Variants in HS6ST2 observed in about 807,000 individuals in gnomAD.
The protein encoded by HS6ST2 is heparan sulfate 6-O-sulfotransferase 2, also known as heparan-sulfate 6-O-sulfotransferase 2.
HS6ST2 carries 17 observed loss-of-function variants against 33.0 expected under a neutral mutation model. The observed-to-expected ratio is 0.52, with a 90% confidence interval of 0.35 to 0.77. The LOEUF (loss-of-function observed/expected upper bound fraction) is 0.77, where lower values mean the gene tolerates loss of function less well. HS6ST2 is among the 30% of genes least tolerant of loss of function. The pLI, the probability that HS6ST2 is intolerant of heterozygous loss-of-function variation, is 0.01. For synonymous variants in HS6ST2, 248 were observed against 237.1 expected (o/e 1.05, Z -0.42); for missense variants, 519 against 551.7 (o/e 0.94, Z 0.59).
At chrX:132,814,831 G>A (rs901346951) in intron 2 of HS6ST2, among the ~76,000 whole-genome samples, 5 of 112,061 alleles carry the variant, frequency 4.5e-5, no homozygotes, top group Non-Finnish European at 9.4e-5. Flanking sequence ...CCAAACCATG[G>A]CAAATACTTT....
At chrX:132,937,396 T>C (rs752679859) in intron 2 of HS6ST2, among the ~76,000 whole-genome samples, 1 of 111,968 alleles carries the variant, frequency 8.9e-6, no homozygotes, top group Non-Finnish European at 1.9e-5. Flanking sequence ...GAAGCAATAC[T>C]GAGCAAAAAG....
intron 2 of HS6ST2, among the ~76,000 whole-genome samples, chrX:132,750,766 A>G (rs1328874334): frequency 8.9e-6 from 1 of 112,451 alleles, no homozygotes. Context: ...TGGGACCTCA[A>G]ATTACACCAT....
intron 2 of HS6ST2, among the ~76,000 whole-genome samples, chrX:132,916,530 C>T (rs1332697507): frequency 1.8e-5 from 2 of 112,014 alleles, no homozygotes; most frequent in African/African-American, 6.5e-5. Flanking sequence ...TTTGAGTCAG[C>T]AGAGTGTTAT....
At chrX:132,773,293 T>C (rs2064925962) in intron 2 of HS6ST2, among the ~76,000 whole-genome samples, 2 of 105,877 alleles carry the variant, frequency 1.9e-5, no homozygotes, top group South Asian at 7.9e-4. Flanking sequence ...ATTAACATTA[T>C]AGGATGGTTA....
At chrX:132,805,616 C>G (rs2065274620) in intron 2 of HS6ST2, among the ~76,000 whole-genome samples, 1 of 109,563 alleles carries the variant, frequency 9.1e-6, no homozygotes, top group Non-Finnish European at 1.9e-5. Context: ...TACCTCATCC[C>G]TACTGAAAAG....
chrX:132,778,213 A>C, intron 2 of HS6ST2, among the ~76,000 whole-genome samples: 1 of 112,104 alleles, frequency 8.9e-6, no homozygotes, highest in East Asian at 2.8e-4. Context: ...CTTCTATAAT[A>C]AATTAAAATA....
intron 2 of HS6ST2, among the ~76,000 whole-genome samples, chrX:132,926,441 C>T (rs987759636): frequency 1.4e-4 from 16 of 111,986 alleles, no homozygotes; most frequent in African/African-American, 3.9e-4. Flanking sequence ...CTTGTCAATC[C>T]ATTCTAAGGT....
At chrX:132,752,592 G>C (rs1228119808) in intron 2 of HS6ST2, among the ~76,000 whole-genome samples, 2 of 111,682 alleles carry the variant, frequency 1.8e-5, no homozygotes, top group African/African-American at 6.5e-5. Context: ...AAATGGGATG[G>C]TATGCTCTGT....
intron 3 of HS6ST2, among the ~76,000 whole-genome samples, chrX:132,698,833 C>T (rs770481408): frequency 8.9e-6 from 1 of 111,815 alleles, no homozygotes; most frequent in Admixed American, 9.5e-5. Context: ...ATATCTGCCA[C>T]CAGAATATAA....
chrX:132,660,371 A>G (rs60525959), intron 4 of HS6ST2, among the ~76,000 whole-genome samples: 1,707 of 111,630 alleles, frequency 0.015, 24 homozygotes, highest in African/African-American at 0.053. Flanking sequence ...GGGCAATGCT[A>G]GGCTTTTAAG....
intron 2 of HS6ST2, among the ~76,000 whole-genome samples, chrX:132,838,579 T>C (rs1480320670): frequency 8.9e-6 from 1 of 111,845 alleles, no homozygotes; most frequent in Non-Finnish European, 1.9e-5. Context: ...TTGATTTTTT[T>C]CTCACTAAAA....
chrX:132,851,878 C>T (rs2065805357), intron 2 of HS6ST2, among the ~76,000 whole-genome samples: 1 of 111,735 alleles, frequency 8.9e-6, no homozygotes, highest in African/African-American at 3.3e-5. Flanking sequence ...GGGTGGCTCA[C>T]ACCCATTATC....
Position 132,705,624 on chromosome X carries a change from T to C in HS6ST2, c.980+2838A>G, listed in dbSNP as rs185206833. Among the ~76,000 whole-genome samples the C allele has an allele frequency of 2.6e-3, 296 of 112,116 alleles. 1 individual carries two copies. The highest frequency in any genetic ancestry group is 9.1e-3 in the African/African-American group (281 of 30,874). On this transcript the variant is annotated intron_variant, in intron 3 of 4. Coordinates refer to ENST00000370833, the MANE Select transcript of HS6ST2 (RefSeq NM_001394073.1). ...GCACTTGATATGCACGATCTCATTTTAATCCTCAAAACAAGCCTATATACT... is the reference window on the plus strand; with the variant it reads ...GCACTTGATATGCACGATCTCATTTCAATCCTCAAAACAAGCCTATATACT...
At chrX:132,760,642 T>C (rs1015773583) in intron 2 of HS6ST2, among the ~76,000 whole-genome samples, 3 of 111,655 alleles carry the variant, frequency 2.7e-5, no homozygotes, top group African/African-American at 3.3e-5. Context: ...AAAGTGTGCA[T>C]GTACAACTGT....
At chrX:132,809,269 A>T (rs2065315387) in intron 2 of HS6ST2, among the ~76,000 whole-genome samples, 1 of 112,211 alleles carries the variant, frequency 8.9e-6, no homozygotes, top group African/African-American at 3.2e-5. Context: ...GATTATAGGC[A>T]TGAGCTACCA....
intron 2 of HS6ST2, among the ~76,000 whole-genome samples, chrX:132,933,084 TG>T: frequency 9.1e-6 from 1 of 109,699 alleles, no homozygotes. Flanking sequence ...CCCAGTACTT[TG>T]GGGGGCCTAG....
intron 2 of HS6ST2, among the ~76,000 whole-genome samples, chrX:132,868,367 T>C (rs1298539973): frequency 9.0e-6 from 1 of 111,317 alleles, no homozygotes; most frequent in Non-Finnish European, 1.9e-5. Flanking sequence ...CAATATTAGA[T>C]CAGCAAGACA....
At chrX:132,720,268 G>A (rs2064316659) in intron 2 of HS6ST2, among the ~76,000 whole-genome samples, 2 of 111,988 alleles carry the variant, frequency 1.8e-5, no homozygotes, top group Admixed American at 1.9e-4. Context: ...TCCTCCTCAT[G>A]AAAATGTGGA....
chrX:132,762,147 G>C (rs906797657), intron 2 of HS6ST2, among the ~76,000 whole-genome samples: 1 of 111,983 alleles, frequency 8.9e-6, no homozygotes, highest in Non-Finnish European at 1.9e-5. Flanking sequence ...TATCAGATGA[G>C]TACTAGATAA....
Sources: allele counts gnomAD v4.1 joint callset (sites outside exome capture counted in the v4.1 genomes callset), GRCh38; gene constraint gnomAD v4.1.1; transcripts MANE v1.5; gene names NCBI Gene and HGNC (gene_info 2026-07-23, HGNC 2026-07-21).